The following YAF2 variants were observed in gnomAD, a reference collection of about 807,000 sequenced individuals.
YAF2 encodes YY1 associated factor 2, also known as YY1-associated factor 2.
In YAF2, 7 loss-of-function variants were observed where a neutral mutation model predicts 20.1. That is an observed-to-expected ratio of 0.35 (90% CI 0.20 to 0.65). YAF2 has a LOEUF of 0.65. Ranked by LOEUF, YAF2 falls within the 30% of genes least tolerant of loss-of-function variation. YAF2 has a pLI of 0.69. For synonymous variants in YAF2, 74 were observed against 76.0 expected, an observed-to-expected ratio of 0.97 and a Z score of 0.14; for missense variants, 151 against 219.2, an observed-to-expected ratio of 0.69 and a Z score of 1.96.
chr12:42,167,793 C>T (rs2065950470), intron 2 of YAF2, among the ~76,000 whole-genome samples: 1 of 152,022 alleles, frequency 6.6e-6, no homozygotes, highest in African/African-American at 2.4e-5. Context: ...ACTGCTTGGG[C>T]CCAGGAGTTT....
intron 2 of YAF2, among the ~76,000 whole-genome samples, chr12:42,189,134 A>ACTCTCTCTACCTTT (rs2066548592): frequency 6.6e-6 from 1 of 152,174 alleles, no homozygotes; most frequent in South Asian, 2.1e-4. Flanking sequence ...AGGTAGAGAG[A>ACTCTCTCTACCTTT]GCACTATGAG....
At chr12:42,176,992 C>T (rs188888354) in intron 2 of YAF2, among the ~76,000 whole-genome samples, 1 of 152,188 alleles carries the variant, frequency 6.6e-6, no homozygotes, top group African/African-American at 2.4e-5. Flanking sequence ...TAACATCCCT[C>T]AATTGTTCTG....
intron 2 of YAF2, among the ~76,000 whole-genome samples, chr12:42,216,025 A>G (rs190978931): frequency 4.7e-4 from 71 of 152,234 alleles, no homozygotes; most frequent in African/African-American, 1.6e-3. Context: ...ACCAACAAGT[A>G]CCCAATGTTT....
intron 2 of YAF2, chr12:42,210,766 A>G: frequency 8.1e-7 from 1 of 1,241,070 alleles, no homozygotes; most frequent in South Asian, 1.5e-5. Flanking sequence ...TCACTAGATA[A>G]CTATATATAC....
intron 2 of YAF2, among the ~76,000 whole-genome samples, chr12:42,193,661 C>T (rs1938725519): frequency 6.6e-6 from 1 of 152,120 alleles, no homozygotes; most frequent in Admixed American, 6.5e-5. Context: ...TGCATGAACA[C>T]CCAGCTAATT....
chr12:42,238,225 C>G lies in YAF2; in HGVS notation c.-45G>C. On this transcript the variant is annotated 5_prime_UTR_variant, in exon 1 of 4. Coordinates refer to ENST00000534854, the MANE Select transcript of YAF2 (RefSeq NM_005748.6). ...GCCGAGAGTCGCCGCCGCGACCGCT[C>G]TGTTTGTCAATAAGGAGGATAATAA... is the stretch of plus-strand genomic sequence containing the variant. 3.1e-6 allele frequency: 4 copies of G among 1,273,674 alleles called. No individual in the cohort carries two copies. Among genetic ancestry groups the G allele is most frequent in the African/African-American group, 1.7e-5 (1 of 59,670 alleles). 78.9% of individuals were successfully genotyped at this position (1,273,674 alleles called of 1,614,324 possible). A position where few individuals can be genotyped will look rare whatever the true frequency, so the allele number is the denominator to read the frequency against.
intron 2 of YAF2, among the ~76,000 whole-genome samples, chr12:42,175,074 A>G (rs770682899): frequency 6.6e-6 from 1 of 152,202 alleles, no homozygotes; most frequent in Non-Finnish European, 1.5e-5. Flanking sequence ...ACTTGTACAC[A>G]AATGTTCATA....
intron 2 of YAF2, among the ~76,000 whole-genome samples, chr12:42,217,728 T>C (rs766505417): frequency 6.6e-5 from 10 of 152,132 alleles, no homozygotes; most frequent in South Asian, 2.1e-4. Context: ...GGACCAATGG[T>C]ACAGCCCTCA....
chr12:42,165,104 A>C (rs1051183674), intron 2 of YAF2, among the ~76,000 whole-genome samples: 1 of 151,950 alleles, frequency 6.6e-6, no homozygotes, highest in Non-Finnish European at 1.5e-5. Context: ...TGTTTGATAA[A>C]TTTTATTGCA....
At chr12:42,228,790 G>A (rs1488392640) in intron 2 of YAF2, among the ~76,000 whole-genome samples, 1 of 57,090 alleles carries the variant, frequency 1.8e-5, no homozygotes. Context: ...AGGGAGGTTG[G>A]GGGGTCAGCC....
At chr12:42,181,547 C>T (rs2066342464) in intron 2 of YAF2, among the ~76,000 whole-genome samples, 1 of 152,206 alleles carries the variant, frequency 6.6e-6, no homozygotes, top group Non-Finnish European at 1.5e-5. Flanking sequence ...CAATAGTGGG[C>T]TCTGTCAGTC....
chr12:42,219,419 C>T (rs1409392149), intron 2 of YAF2, among the ~76,000 whole-genome samples: 1 of 152,158 alleles, frequency 6.6e-6, no homozygotes, highest in African/African-American at 2.4e-5. Flanking sequence ...CAGCTGTGTA[C>T]AGATACTGGG....
chr12:42,215,089 C>T (rs1446542174), intron 2 of YAF2, among the ~76,000 whole-genome samples: 1 of 152,248 alleles, frequency 6.6e-6, no homozygotes, highest in East Asian at 1.9e-4. Context: ...TTACCTAGCC[C>T]AGCACCTGTC....
chr12:42,235,681 T>A, intron 2 of YAF2: 1 of 1,529,712 alleles, frequency 6.5e-7, no homozygotes, highest in Non-Finnish European at 8.7e-7. Flanking sequence ...TCAATCCAAA[T>A]GACAATGCTT....
intron 2 of YAF2, among the ~76,000 whole-genome samples, chr12:42,204,221 C>G (rs544182580): frequency 7.2e-5 from 11 of 152,296 alleles, no homozygotes; most frequent in South Asian, 6.2e-4. Context: ...TAAAATGATG[C>G]AGCCACTTTG....
rs573537161 is a variant in YAF2 at position 42,225,215 on chromosome 12, G to T, written c.152+12384C>A. Among the ~76,000 whole-genome samples the T allele has an allele frequency of 1.9e-4, 29 of 148,728 alleles. 1 individual carries two copies. Among genetic ancestry groups the T allele is most frequent in the Admixed American group, 1.5e-3 (23 of 15,174 alleles). ...CCTTTGCCCACTTTTTGATGGGGTT[G>T]TTTTTTTTCTTGTAAATTTAAGTTC... On this transcript the variant is annotated intron_variant, in intron 2 of 3. Coordinates refer to ENST00000534854, the MANE Select transcript of YAF2 (RefSeq NM_005748.6).
At chr12:42,196,255 C>T (rs1371622484) in intron 2 of YAF2, among the ~76,000 whole-genome samples, 2 of 136,880 alleles carry the variant, frequency 1.5e-5, no homozygotes, top group Admixed American at 7.4e-5. Flanking sequence ...AAAAAAAGAG[C>T]GGGAGGACAG....
intron 2 of YAF2, chr12:42,235,633 C>T: frequency 6.6e-7 from 1 of 1,507,222 alleles, no homozygotes; most frequent in Non-Finnish European, 8.8e-7. Flanking sequence ...CACAGTGTCC[C>T]TTAGATTTCT....
chr12:42,227,747 T>TGG (rs1181592026), intron 2 of YAF2, among the ~76,000 whole-genome samples: 3 of 134,876 alleles, frequency 2.2e-5, no homozygotes, highest in African/African-American at 8.5e-5. Context: ...GGGAGGGAGG[T>TGG]GGGGGGGTCA....
Sources: gnomAD v4.1 joint callset for allele counts (sites outside exome capture counted in the v4.1 genomes callset) on GRCh38, gnomAD v4.1.1 for gene constraint, MANE v1.5 for transcripts, NCBI Gene and HGNC (gene_info 2026-07-23, HGNC 2026-07-21) for gene names.